Variants in SYT14 observed in about 807,000 individuals in gnomAD.
SYT14 encodes synaptotagmin 14.
A neutral mutation model predicts 74.2 loss-of-function variants in SYT14; 32 were observed. The ratio of observed to expected loss-of-function variants is 0.43; its 90% CI spans 0.33 to 0.58. The LOEUF is 0.58. Ranked by LOEUF, SYT14 falls within the 20% of genes least tolerant of loss-of-function variation. SYT14 has a pLI of 0.05. For missense variants in SYT14, 791 were observed against 981.8 expected, an observed-to-expected ratio of 0.81 and a Z score of 2.60; for synonymous variants, 298 against 337.7, an observed-to-expected ratio of 0.88 and a Z score of 1.29.
At chr1:210,048,882 C>T (rs938044332) in intron 5 of SYT14, among the ~76,000 whole-genome samples, 3 of 152,194 alleles carry the variant, frequency 2.0e-5, no homozygotes, top group Non-Finnish European at 4.4e-5. Flanking sequence ...TAGGTAAATA[C>T]AGCTTTTCCA....
At chr1:210,053,170 G>A (rs1387933) in intron 5 of SYT14, among the ~76,000 whole-genome samples, 52,138 of 151,962 alleles carry the variant, frequency 0.34, 9,907 homozygotes, top group Non-Finnish European at 0.42. Flanking sequence ...GAATTATATT[G>A]TAGTAGAATC....
intron 5 of SYT14, among the ~76,000 whole-genome samples, chr1:210,039,281 C>T (rs138711126): frequency 6.6e-6 from 1 of 152,042 alleles, no homozygotes; most frequent in African/African-American, 2.4e-5. Flanking sequence ...TGGTGAGACA[C>T]TGCTGTCTAG....
intron 2 of SYT14, among the ~76,000 whole-genome samples, chr1:209,977,120 C>T (rs920223816): frequency 3.3e-5 from 5 of 152,038 alleles, no homozygotes; most frequent in Admixed American, 2.6e-4. Flanking sequence ...GAGATGGGTT[C>T]CCTGAATACA....
At chr1:210,097,248 T>C (rs2081983087) in intron 6 of SYT14, among the ~76,000 whole-genome samples, 1 of 152,228 alleles carries the variant, frequency 6.6e-6, no homozygotes. Flanking sequence ...CTTGGTTTAA[T>C]CCAGGCTGTA....
intron 7 of SYT14, among the ~76,000 whole-genome samples, chr1:210,143,435 C>A (rs1458113077): frequency 1.3e-5 from 2 of 152,022 alleles, no homozygotes; most frequent in African/African-American, 4.8e-5. Flanking sequence ...AATTGGATAT[C>A]TAAATTTGTT....
rs1180836433 is a variant in SYT14 at position 210,144,399 on chromosome 1, A to G, written c.2035-11322A>G. 3.3e-5 allele frequency among the ~76,000 whole-genome samples: 5 copies of G among 152,282 alleles called. No homozygotes were observed. In the East Asian group the frequency reaches 9.6e-4, roughly 29 times the overall value. The stretch of plus-strand genomic sequence containing the variant: ...TAGACATAGTTATTTCACCTTTTTT[A>G]GATAACTGAAGTATGGAGATGCTAA... On this transcript the variant is annotated intron_variant, in intron 7 of 9. Transcript: ENST00000637265.
chr1:210,044,848 A>G (rs529586723), intron 5 of SYT14, among the ~76,000 whole-genome samples: 36 of 152,304 alleles, frequency 2.4e-4, no homozygotes, highest in Non-Finnish European at 4.3e-4. Context: ...ACGGTGGAGC[A>G]TGAAGTGGGA....
intron 7 of SYT14, among the ~76,000 whole-genome samples, chr1:210,147,940 G>A (rs1276518862): frequency 3.3e-5 from 5 of 152,076 alleles, no homozygotes; most frequent in African/African-American, 9.7e-5. Context: ...CCCAGAGTGC[G>A]TGTGTTGTGT....
At chr1:210,076,251 T>C (rs2081498443) in intron 5 of SYT14, among the ~76,000 whole-genome samples, 1 of 152,188 alleles carries the variant, frequency 6.6e-6, no homozygotes, top group African/African-American at 2.4e-5. Context: ...AGCTGAAATT[T>C]AAGGTGCTCT....
At chr1:209,976,015 T>C (rs2079355864) in intron 2 of SYT14, among the ~76,000 whole-genome samples, 1 of 152,232 alleles carries the variant, frequency 6.6e-6, no homozygotes, top group Non-Finnish European at 1.5e-5. Context: ...TATTCTCTGA[T>C]GGTAATTTGT....
At chr1:210,144,659 G>A (rs1403360187) in intron 7 of SYT14, among the ~76,000 whole-genome samples, 1 of 151,882 alleles carries the variant, frequency 6.6e-6, no homozygotes, top group East Asian at 1.9e-4. Flanking sequence ...CCAAAACATG[G>A]AAGACACTTA....
chr1:209,956,072 C>T (rs1014706047), intron 2 of SYT14, among the ~76,000 whole-genome samples: 5 of 152,042 alleles, frequency 3.3e-5, no homozygotes, highest in Non-Finnish European at 5.9e-5. Flanking sequence ...TGTAAGCACC[C>T]ATCTTAACTC....
chr1:209,982,238 C>G (rs574478519), intron 2 of SYT14, among the ~76,000 whole-genome samples: 3 of 152,222 alleles, frequency 2.0e-5, no homozygotes, highest in South Asian at 4.1e-4. Context: ...TCACTGCACC[C>G]TTGATCTTTT....
chr1:210,143,569 T>A (rs2082966203), intron 7 of SYT14, among the ~76,000 whole-genome samples: 1 of 152,144 alleles, frequency 6.6e-6, no homozygotes, highest in Non-Finnish European at 1.5e-5. Flanking sequence ...ATATTATTAC[T>A]GTCCACCAGA....
intron 2 of SYT14, among the ~76,000 whole-genome samples, chr1:209,954,313 ATTG>A (rs1048581549): frequency 6.6e-6 from 1 of 151,902 alleles, no homozygotes; most frequent in East Asian, 1.9e-4. Flanking sequence ...TGGCTTTTTT[ATTG>A]TTGTTGTTCT....
chr1:209,997,162 G>A (rs562565984), intron 2 of SYT14, among the ~76,000 whole-genome samples: 1 of 149,684 alleles, frequency 6.7e-6, no homozygotes, highest in Non-Finnish European at 1.5e-5. Context: ...GGGAAAAAAA[G>A]AAAAAAAAAA....
intron 2 of SYT14, among the ~76,000 whole-genome samples, chr1:209,986,952 A>T (rs2079581472): frequency 6.6e-6 from 1 of 152,150 alleles, no homozygotes; most frequent in Admixed American, 6.5e-5. Context: ...ACTTACACAG[A>T]TCCCTAGGAC....
At chr1:209,938,350 C>T in intron 1 of SYT14, 73 bp downstream of exon 1, 2 of 1,459,110 alleles carry the variant, frequency 1.4e-6, no homozygotes, top group East Asian at 2.9e-5. Flanking sequence ...GGTGCGCCGG[C>T]AGGCCGAGGC....
At chr1:210,153,544 A>G (rs1026095602) in intron 7 of SYT14, among the ~76,000 whole-genome samples, 3 of 152,186 alleles carry the variant, frequency 2.0e-5, no homozygotes, top group Non-Finnish European at 2.9e-5. Flanking sequence ...GCCATAATAA[A>G]TGATATTTTA....
Sources: gnomAD v4.1 joint callset for allele counts (sites outside exome capture counted in the v4.1 genomes callset) on GRCh38, gnomAD v4.1.1 for gene constraint, MANE v1.5 for transcripts, NCBI Gene and HGNC (gene_info 2026-07-23, HGNC 2026-07-21) for gene names.